The following SYNPR variants were observed in gnomAD, a reference collection of about 807,000 sequenced individuals.
SYNPR encodes the protein synaptoporin.
SYNPR carries 23 observed loss-of-function variants against 32.9 expected under a neutral mutation model. That is an observed-to-expected ratio of 0.70 (90% CI 0.50 to 0.99). The LOEUF (loss-of-function observed/expected upper bound fraction) is 0.99, where lower values mean the gene tolerates loss of function less well. Among genes scored for constraint, SYNPR ranks in the 50% least tolerant of loss-of-function variants. SYNPR has a pLI of 0.00. For missense variants in SYNPR, 318 were observed against 349.3 expected (o/e 0.91, Z 0.71); for synonymous variants, 146 against 135.9 (o/e 1.07, Z -0.52).
intron 2 of SYNPR, among the ~76,000 whole-genome samples, chr3:63,402,584 TGG>T (rs2088306926): frequency 6.6e-6 from 1 of 152,134 alleles, no homozygotes; most frequent in Non-Finnish European, 1.5e-5. Context: ...TTTGTGACAG[TGG>T]GCATAGCTAG....
chr3:63,321,280 C>T (rs1243257211), intron 2 of SYNPR, among the ~76,000 whole-genome samples: 1 of 152,020 alleles, frequency 6.6e-6, no homozygotes, highest in Non-Finnish European at 1.5e-5. Flanking sequence ...TTTTATTTAT[C>T]ATCTTAGTAT....
intron 2 of SYNPR, among the ~76,000 whole-genome samples, chr3:63,366,321 T>C (rs1439471968): frequency 1.3e-5 from 2 of 152,186 alleles, no homozygotes; most frequent in East Asian, 3.8e-4. Flanking sequence ...GGAATATTTA[T>C]GGTTTTAAAT....
At position 63,595,787 on chromosome 3, in the gene SYNPR, TTA is replaced by T. The variant is rs1307628320; in HGVS notation, c.409-13327_409-13326del. Reference sequence around the variant, plus strand: ...TATATATAATTTTATATATATATAGTTATATATATATAGTTATATATATATAT... The same window carrying T: ...TATATATAATTTTATATATATATAGTTATATATATAGTTATATATATATAT... On this transcript the variant is annotated intron_variant, in intron 4 of 5. Coordinates refer to ENST00000478300, the MANE Select transcript of SYNPR (RefSeq NM_001130003.2). Among the ~76,000 whole-genome samples the T allele has an allele frequency of 1.2e-3, 34 of 28,214 alleles. 1 individual carries two copies. Among genetic ancestry groups the T allele is most frequent in the African/African-American group, 4.1e-3 (18 of 4,362 alleles). 18.5% of individuals were successfully genotyped at this position (28,214 alleles called of 152,430 possible).
chr3:63,462,539 T>C (rs1398281862), intron 2 of SYNPR, among the ~76,000 whole-genome samples: 1 of 152,130 alleles, frequency 6.6e-6, no homozygotes, highest in East Asian at 1.9e-4. Flanking sequence ...GTGGTGTGAA[T>C]TTACATTCAT....
chr3:63,515,673 C>A (rs1040927342), intron 3 of SYNPR, among the ~76,000 whole-genome samples: 2 of 151,930 alleles, frequency 1.3e-5, no homozygotes, highest in Non-Finnish European at 2.9e-5. Context: ...TGATCTGGAT[C>A]TTTTTTAATG....
chr3:63,232,147 A>T (rs950039910), intron 1 of SYNPR, among the ~76,000 whole-genome samples: 1 of 150,052 alleles, frequency 6.7e-6, no homozygotes, highest in Non-Finnish European at 1.5e-5. Flanking sequence ...GAGTTACTTC[A>T]TAAAGTTCTC....
In SYNPR at chr3:63,616,480, T is replaced by G. The variant is rs1488811580; in HGVS notation, c.*999T>G. 6.5e-6 allele frequency: 1 copy of G among 152,766 alleles called. No homozygotes were observed. Among genetic ancestry groups the G allele is most frequent in the South Asian group, 2.1e-4 (1 of 4,818 alleles). The allele number at this position is 152,766 out of a possible 1,614,324, so 9.5% of individuals were successfully genotyped here. A position where few individuals can be genotyped will look rare whatever the true frequency, so the allele number is the denominator to read the frequency against. ...GAACCTCTACTACCAGCTATATTTT[T>G]AAATCCTGTTTATTTGTAAAGCTAA... is the stretch of plus-strand genomic sequence containing the variant. On this transcript the variant is annotated 3_prime_UTR_variant, in exon 6 of 6. Transcript: ENST00000478300.
At chr3:63,410,105 C>T (rs1001841337) in intron 2 of SYNPR, among the ~76,000 whole-genome samples, 2 of 152,158 alleles carry the variant, frequency 1.3e-5, no homozygotes, top group African/African-American at 2.4e-5. Flanking sequence ...TCACCTTGCT[C>T]ATTGTGATTA....
At chr3:63,432,815 G>A (rs1479441131) in intron 2 of SYNPR, among the ~76,000 whole-genome samples, 1 of 152,212 alleles carries the variant, frequency 6.6e-6, no homozygotes, top group Non-Finnish European at 1.5e-5. Context: ...TGTGTGACAA[G>A]TTATGGTGGC....
intron 3 of SYNPR, among the ~76,000 whole-genome samples, chr3:63,537,597 G>T (rs1243281208): frequency 6.6e-6 from 1 of 152,090 alleles, no homozygotes; most frequent in Non-Finnish European, 1.5e-5. Flanking sequence ...GTTTACTGAA[G>T]AAATGAATGA....
chr3:63,209,346 G>A, the SYNPR span, among the ~76,000 whole-genome samples: 1 of 146,142 alleles, frequency 6.8e-6, no homozygotes, highest in Non-Finnish European at 1.5e-5. Flanking sequence ...TTGGGAAACA[G>A]TAAACAGTGA....
chr3:63,405,533 C>A (rs1171210973), intron 2 of SYNPR, among the ~76,000 whole-genome samples: 5 of 152,018 alleles, frequency 3.3e-5, no homozygotes, highest in African/African-American at 1.2e-4. Flanking sequence ...GAGATGAGAC[C>A]CAGATAGCAC....
At chr3:63,432,192 A>G (rs1345633413) in intron 2 of SYNPR, among the ~76,000 whole-genome samples, 1 of 152,190 alleles carries the variant, frequency 6.6e-6, no homozygotes, top group Non-Finnish European at 1.5e-5. Context: ...TCATGGATGC[A>G]TTCTTTATCA....
At chr3:63,606,654 C>A (rs1295491795) in intron 4 of SYNPR, among the ~76,000 whole-genome samples, 2 of 151,932 alleles carry the variant, frequency 1.3e-5, no homozygotes, top group African/African-American at 2.4e-5. Flanking sequence ...TGGTCTTGAA[C>A]TCCTGGGTTC....
intron 1 of SYNPR, among the ~76,000 whole-genome samples, chr3:63,247,513 C>T (rs1010168314): frequency 1.3e-5 from 2 of 152,042 alleles, no homozygotes; most frequent in African/African-American, 2.4e-5. Context: ...GTGGTTAGGG[C>T]GTCTCTGCCT....
chr3:63,292,936 C>G (rs1269475653), intron 2 of SYNPR, among the ~76,000 whole-genome samples: 1 of 152,166 alleles, frequency 6.6e-6, no homozygotes, highest in Admixed American at 6.5e-5. Flanking sequence ...GTGTCAAGTT[C>G]TAGATCAGCA....
chr3:63,487,321 C>T (rs1305047243), intron 3 of SYNPR, among the ~76,000 whole-genome samples: 1 of 152,144 alleles, frequency 6.6e-6, no homozygotes, highest in African/African-American at 2.4e-5. Flanking sequence ...TTGCTTATCA[C>T]TTCTGTTTCT....
chr3:63,606,841 A>C (rs558048437), intron 4 of SYNPR, among the ~76,000 whole-genome samples: 1 of 152,346 alleles, frequency 6.6e-6, no homozygotes, highest in African/African-American at 2.4e-5. Context: ...CAATTTGTTT[A>C]ACCTTTGGTG....
chr3:63,568,367 A>C (rs1702828930), intron 4 of SYNPR, among the ~76,000 whole-genome samples: 1 of 152,176 alleles, frequency 6.6e-6, no homozygotes, highest in South Asian at 2.1e-4. Context: ...GAAGTGGAGA[A>C]AAAAGCCAAG....
Sources: allele counts gnomAD v4.1 joint callset (sites outside exome capture counted in the v4.1 genomes callset), GRCh38; gene constraint gnomAD v4.1.1; transcripts MANE v1.5; gene names NCBI Gene and HGNC (gene_info 2026-07-23, HGNC 2026-07-21).